LRPPRC: variants seen among roughly 807,000 people sequenced by gnomAD.
The protein encoded by LRPPRC is leucine rich pentatricopeptide repeat containing, also known as leucine-rich PPR motif-containing protein, mitochondrial.
LRPPRC carries 120 observed loss-of-function variants against 180.3 expected under a neutral mutation model. That is an observed-to-expected ratio of 0.67 (90% CI 0.57 to 0.77). The LOEUF (loss-of-function observed/expected upper bound fraction) is 0.77, where lower values mean the gene tolerates loss of function less well. Ranked by LOEUF, LRPPRC falls within the 30% of genes least tolerant of loss-of-function variation. The pLI, the probability that LRPPRC is intolerant of heterozygous loss-of-function variation, is 0.00. For missense variants in LRPPRC, 2,012 were observed against 1,657.2 expected (o/e 1.21, Z -3.72); for synonymous variants, 723 against 600.0 (o/e 1.21, Z -3.00).
In LRPPRC at chr2:43,945,315, T is replaced by C. The variant is rs746621432; in HGVS notation, c.2296+17A>G. On this transcript the variant is annotated intron_variant, in intron 22 of 37. Coordinates refer to ENST00000260665, the MANE Select transcript of LRPPRC (RefSeq NM_133259.4). ...AGATACTTGCATCACATATTTCCTT[T>C]ATGTGCTGAGGCTTACCTTGGAGCT... The C allele has an allele frequency of 2.7e-5, 42 of 1,560,264 alleles. No homozygotes were observed. The highest frequency in any genetic ancestry group is 3.5e-5 in the Non-Finnish European group (40 of 1,131,248).
At chr2:43,918,428 CAATA>C (rs1424308334) in intron 27 of LRPPRC, 30 bp from the exon 28 acceptor site, 6 of 1,496,984 alleles carry the variant, frequency 4.0e-6, no homozygotes, top group Non-Finnish European at 4.7e-6. Context: ...AGAAATTAAT[CAATA>C]AATATGCTAA....
intron 35 of LRPPRC, 113 bp from the exon 36 acceptor site, chr2:43,894,742 C>A: frequency 1.4e-6 from 1 of 690,634 alleles, no homozygotes; most frequent in African/African-American, 1.8e-5. Flanking sequence ...ACAGAACTAC[C>A]TATTAAATTT....
intron 25 of LRPPRC, among the ~76,000 whole-genome samples, chr2:43,927,720 C>T (rs571336106): frequency 3.7e-4 from 56 of 152,320 alleles, no homozygotes; most frequent in African/African-American, 1.3e-3. Flanking sequence ...ACTTTTATGA[C>T]ATACTCTTTC....
At chr2:43,918,419 G>A (rs1364918858) in intron 27 of LRPPRC, 21 bp from the exon 28 acceptor site, 2 of 1,554,900 alleles carry the variant, frequency 1.3e-6, no homozygotes, top group Non-Finnish European at 1.8e-6. Flanking sequence ...TGATTAAGCA[G>A]AAATTAATCA....
At chr2:43,905,549 T>G (rs1671040422) in intron 31 of LRPPRC, 143 bp downstream of exon 31, 3 of 725,138 alleles carry the variant, frequency 4.1e-6, no homozygotes, top group Non-Finnish European at 7.7e-6. Context: ...GTACAGTAAT[T>G]TATGTCTCTC....
In LRPPRC at chr2:43,978,537, C is replaced by G. The variant is rs191377524; in HGVS notation, c.470-1261G>C. Among the ~76,000 whole-genome samples the G allele has an allele frequency of 5.1e-4, 78 of 152,142 alleles. 1 individual carries two copies. The highest frequency in any genetic ancestry group is 1.8e-3 in the African/African-American group (75 of 41,538). On this transcript the variant is annotated intron_variant, in intron 3 of 37. Coordinates refer to ENST00000260665, the MANE Select transcript of LRPPRC (RefSeq NM_133259.4). ...TAACCTTTTCTGCATATATTTCTCC[C>G]AGTTCAATGACTTACTGACATACAG...
intron 23 of LRPPRC, among the ~76,000 whole-genome samples, chr2:43,940,751 CTTTATTAATTT>C (rs1672449540): frequency 6.6e-6 from 1 of 152,162 alleles, no homozygotes; most frequent in African/African-American, 2.4e-5. Flanking sequence ...ATGGCCCAGA[CTTTATTAATTT>C]CATTTCCTTG....
chr2:43,894,132 G>T (rs1670596641), intron 36 of LRPPRC, among the ~76,000 whole-genome samples: 1 of 152,052 alleles, frequency 6.6e-6, no homozygotes, highest in African/African-American at 2.4e-5. Flanking sequence ...GGCAAGCAGA[G>T]AGGGTACTGA....
intron 30 of LRPPRC, among the ~76,000 whole-genome samples, chr2:43,911,930 C>T (rs959951036): frequency 1.3e-5 from 2 of 152,106 alleles, no homozygotes; most frequent in Admixed American, 6.5e-5. Flanking sequence ...CCTTCTTCAA[C>T]ACATAGAAGA....
intron 25 of LRPPRC, among the ~76,000 whole-genome samples, chr2:43,928,133 G>T (rs891813969): frequency 6.6e-6 from 1 of 152,156 alleles, no homozygotes; most frequent in Non-Finnish European, 1.5e-5. Flanking sequence ...AGAAACAATT[G>T]CATGTTTGTT....
At chr2:43,982,172 G>T in intron 2 of LRPPRC, 66 bp downstream of exon 2, 2 of 1,145,170 alleles carry the variant, frequency 1.7e-6, no homozygotes, top group Non-Finnish European at 2.5e-6. Context: ...AAAGTGCTGG[G>T]ATTACAGGCC....
At chr2:43,952,523 A>AT (rs1375764043) in intron 14 of LRPPRC, among the ~76,000 whole-genome samples, 1 of 152,026 alleles carries the variant, frequency 6.6e-6, no homozygotes, top group Admixed American at 6.5e-5. Flanking sequence ...TTCAACTAAC[A>AT]TTTTTTTGGT....
intron 24 of LRPPRC, 66 bp from the exon 25 acceptor site, chr2:43,934,362 G>T: frequency 1.3e-6 from 1 of 745,744 alleles, no homozygotes; most frequent in South Asian, 1.7e-5. Flanking sequence ...AGTATCATAT[G>T]AAGTTCCAGA....
rs1392678434 is a variant in LRPPRC at position 43,947,730 on chromosome 2, C to G, written c.1965+1G>C. The G allele has an allele frequency of 6.4e-7, 1 of 1,554,202 alleles. No individual in the cohort carries two copies. The highest frequency in any genetic ancestry group is 1.1e-5 in the South Asian group (1 of 89,740). ...TAGAATCTAGTCAAAATCCTACTTA[C>G]TTTTTGAAAGTCTAAATTCTTACTC... On this transcript the variant is annotated splice_donor_variant, in intron 19 of 37. Transcript: ENST00000260665. LOFTEE classifies it high-confidence loss of function.
intron 4 of LRPPRC, 24 bp from the exon 5 acceptor site, chr2:43,977,076 A>AT (rs1205067271): frequency 1.2e-6 from 2 of 1,611,362 alleles, no homozygotes; most frequent in South Asian, 2.2e-5. Context: ...GGGCCAGTTA[A>AT]TTTTAAATAT....
chr2:43,918,214 A>G (rs1344437504), intron 28 of LRPPRC, 42 bp downstream of exon 28: 2 of 1,606,336 alleles, frequency 1.2e-6, no homozygotes, highest in Non-Finnish European at 1.7e-6. Context: ...ACCTAATTAT[A>G]CTGACAACAA....
At chr2:43,893,849 T>C (rs1241896939) in intron 36 of LRPPRC, among the ~76,000 whole-genome samples, 1 of 152,210 alleles carries the variant, frequency 6.6e-6, no homozygotes, top group African/African-American at 2.4e-5. Context: ...TTCTTGAGTC[T>C]GTTGTCCTCC....
chr2:43,964,976 G>C (rs1435240005), intron 11 of LRPPRC, among the ~76,000 whole-genome samples: 1 of 152,134 alleles, frequency 6.6e-6, no homozygotes, highest in African/African-American at 2.4e-5. Context: ...AGCCCAGGAG[G>C]TCAAGTCCAG....
chr2:43,973,637 C>T lies in LRPPRC; in HGVS notation c.1339G>A (p.Val447Ile). 4 of 1,613,948 alleles carry T rather than the reference C, an allele frequency of 2.5e-6. No homozygotes were observed. The highest frequency in any genetic ancestry group is 3.4e-6 in the Non-Finnish European group (4 of 1,179,820). Residue 447 changes from valine (V) to isoleucine (I), a missense_variant, in exon 11 of 38, where the codon GTT becomes ATT. Val to Ile is a conservative substitution (Grantham distance 29, BLOSUM62 3). Coordinates refer to ENST00000260665, the MANE Select transcript of LRPPRC (RefSeq NM_133259.4). ...IRPHYFWPLL[V>I]GRRKEKNVQG... ...ACATTTTTTTCCTTCCGACGTCCAA[C>T]TAGCAATGGCCAGAAATAGTGAGGT...
Sources: allele counts gnomAD v4.1 joint callset (sites outside exome capture counted in the v4.1 genomes callset), GRCh38; gene constraint gnomAD v4.1.1; transcripts MANE v1.5; gene names NCBI Gene and HGNC (gene_info 2026-07-23, HGNC 2026-07-21).